The following PREX1 variants were observed in gnomAD, a reference collection of about 807,000 sequenced individuals.
PREX1 encodes the protein phosphatidylinositol-3,4,5-trisphosphate dependent Rac exchange factor 1, also known as phosphatidylinositol 3,4,5-trisphosphate-dependent Rac exchanger 1 protein.
Under a neutral mutation model 198.3 loss-of-function variants are expected in PREX1, and 41 were observed. That is an observed-to-expected ratio of 0.21 (90% confidence interval 0.16 to 0.27). The LOEUF (loss-of-function observed/expected upper bound fraction) is 0.27. Ranked by LOEUF, PREX1 falls within the 10% of genes least tolerant of loss-of-function variation. PREX1 has a pLI of 1.00. For missense variants in PREX1, 1,620 were observed against 2,200.7 expected (o/e 0.74, Z 5.28); for synonymous variants, 843 against 887.2 (o/e 0.95, Z 0.89).
At chr20:48,778,560 A>G (rs986325012) in intron 1 of PREX1, among the ~76,000 whole-genome samples, 4 of 152,144 alleles carry the variant, frequency 2.6e-5, no homozygotes, top group Admixed American at 2.0e-4. Context: ...ACTGTACTCC[A>G]GCCTGGGTGA....
chr20:48,771,607 A>G (rs2090236263), intron 1 of PREX1, among the ~76,000 whole-genome samples: 1 of 152,144 alleles, frequency 6.6e-6, no homozygotes, highest in Non-Finnish European at 1.5e-5. Context: ...ATTACACTCC[A>G]GCCTGGGCGA....
the PREX1 span, among the ~76,000 whole-genome samples, chr20:48,850,570 C>T: frequency 6.6e-6 from 1 of 152,058 alleles, no homozygotes; most frequent in Non-Finnish European, 1.5e-5. Flanking sequence ...TCTGAGAAAC[C>T]TGGCCAAATT....
chr20:48,796,753 T>C (rs1427433968), intron 1 of PREX1, among the ~76,000 whole-genome samples: 2 of 147,864 alleles, frequency 1.4e-5, no homozygotes, highest in Non-Finnish European at 3.0e-5. Flanking sequence ...TATGCGTAAT[T>C]ATATATACAT....
At chr20:48,709,553 C>T (rs1005026091) in intron 5 of PREX1, among the ~76,000 whole-genome samples, 12 of 152,188 alleles carry the variant, frequency 7.9e-5, no homozygotes, top group Admixed American at 6.5e-4. Context: ...CTTCGCCCCA[C>T]GGTTTTAAGG....
At chr20:48,762,676 C>A (rs1045395569) in intron 1 of PREX1, among the ~76,000 whole-genome samples, 3 of 151,642 alleles carry the variant, frequency 2.0e-5, no homozygotes, top group African/African-American at 7.3e-5. Flanking sequence ...AAAAATGGTA[C>A]CTGACTGCTA....
At chr20:48,819,601 T>C (rs1381069537) in intron 1 of PREX1, among the ~76,000 whole-genome samples, 1 of 152,186 alleles carries the variant, frequency 6.6e-6, no homozygotes, top group Non-Finnish European at 1.5e-5. Flanking sequence ...GCAAAATAGG[T>C]ATAATGATGA....
At chr20:48,701,034 T>A in intron 6 of PREX1, 148 bp from the exon 7 acceptor site, 1 of 1,098,006 alleles carries the variant, frequency 9.1e-7, no homozygotes, top group South Asian at 1.5e-5. Flanking sequence ...CACAACGTGA[T>A]TAGTGGCTTC....
chr20:48,636,476 G>A lies in PREX1; in HGVS notation c.4154C>T (p.Ser1385Leu), dbSNP rs1337040307. The A allele has an allele frequency of 6.2e-7, 1 of 1,605,206 alleles. No homozygotes were observed. The highest frequency in any genetic ancestry group is 8.5e-7 in the Non-Finnish European group (1 of 1,178,108). The change falls in exon 32 of 40, where the codon TCG (serine) becomes TTG (leucine). Residue 1385 changes from serine (S) to leucine (L), a missense_variant. Transcript: ENST00000371941. ...CCACTCACTCACCACTGTGGCTGGC[G>A]AGAGCAGGGACTGGCAGTGCAGCAG... is the stretch of plus-strand genomic sequence containing the variant. ...GVLLHCQSLL[S>L]PATVKEERTM...
In PREX1 at chr20:48,636,543, C is replaced by A; in HGVS notation, c.4087G>T (p.Ala1363Ser). ...NGEYEESSRD[A>S]SRKWLEQVAA... ...ACCTGCTCCAGCCACTTGCGGCTGG[C>A]GTCGCGGCTGCTCTCCTCGTACTCG... The change falls in exon 32 of 40, where the codon GCC becomes TCC. Residue 1363 changes from alanine to serine, a missense_variant. Ala to Ser is a moderately conservative substitution (Grantham distance 99, BLOSUM62 1). Coordinates refer to ENST00000371941, the MANE Select transcript of PREX1 (RefSeq NM_020820.4). 2 of 1,611,126 alleles carry A rather than the reference C, an allele frequency of 1.2e-6. No homozygotes were observed. The highest frequency in any genetic ancestry group is 8.5e-7 in the Non-Finnish European group (1 of 1,179,568).
intron 9 of PREX1, among the ~76,000 whole-genome samples, chr20:48,689,089 C>T (rs2089802524): frequency 6.6e-6 from 1 of 152,236 alleles, no homozygotes; most frequent in African/African-American, 2.4e-5. Flanking sequence ...ACCCAGGAAT[C>T]AAGCTCTAGT....
At position 48,643,816 on chromosome 20, in the gene PREX1, GGTGCGT is replaced by G. The variant is rs553273067; in HGVS notation, c.3601+587_3601+592del. On this transcript the variant is annotated intron_variant, in intron 27 of 39. Transcript: ENST00000371941. ...AGCCTCCCAAATAGCTGGGATTACA[GGTGCGT>G]GCACCACCACACCCAGCTAATTTTT... 6.1e-3 allele frequency among the ~76,000 whole-genome samples: 927 copies of G among 152,260 alleles called. 3 individuals are homozygous for G. The highest frequency in any genetic ancestry group is 0.024 in the Middle Eastern group (7 of 294).
intron 1 of PREX1, among the ~76,000 whole-genome samples, chr20:48,813,402 G>A (rs1209703189): frequency 6.6e-6 from 1 of 152,218 alleles, no homozygotes; most frequent in African/African-American, 2.4e-5. Flanking sequence ...ACTAGATCCT[G>A]GACTGGGGGT....
chr20:48,659,822 G>A (rs775491258), intron 16 of PREX1, 97 bp downstream of exon 16: 26 of 1,539,694 alleles, frequency 1.7e-5, no homozygotes, highest in Non-Finnish European at 2.0e-5. Context: ...ACTCCAAGCT[G>A]AGCCCCCTTC....
chr20:48,627,245 G>A (rs1212951912), intron 39 of PREX1, among the ~76,000 whole-genome samples: 1 of 151,726 alleles, frequency 6.6e-6, no homozygotes, highest in Non-Finnish European at 1.5e-5. Flanking sequence ...ACAGGGTGGA[G>A]GGCACGGGGC....
chr20:48,683,155 G>A (rs1029971165), intron 10 of PREX1, among the ~76,000 whole-genome samples: 1 of 152,242 alleles, frequency 6.6e-6, no homozygotes, highest in Non-Finnish European at 1.5e-5. Context: ...GCCAGCAGCT[G>A]AAGGAGGGGA....
chr20:48,716,621 T>A (rs1478484587), intron 5 of PREX1, among the ~76,000 whole-genome samples: 1 of 152,192 alleles, frequency 6.6e-6, no homozygotes, highest in African/African-American at 2.4e-5. Context: ...TGCTTCCACC[T>A]GCTCCTCTCT....
At chr20:48,750,361 G>A (rs2090128724) in intron 1 of PREX1, among the ~76,000 whole-genome samples, 1 of 152,148 alleles carries the variant, frequency 6.6e-6, no homozygotes, top group Non-Finnish European at 1.5e-5. Flanking sequence ...ATGTACAGGA[G>A]ATCAGTCAAT....
intron 1 of PREX1, among the ~76,000 whole-genome samples, chr20:48,760,208 C>G (rs538584613): frequency 1.3e-5 from 2 of 152,214 alleles, no homozygotes; most frequent in African/African-American, 4.8e-5. Flanking sequence ...ACAGAACCCA[C>G]TGTGCTTCCT....
At chr20:48,871,586 C>A in the PREX1 span, among the ~76,000 whole-genome samples, 1 of 11,978 alleles carries the variant, frequency 8.3e-5, no homozygotes, top group African/African-American at 4.0e-4. Flanking sequence ...AAAAAAAAAC[C>A]ATATTTACTT....
Sources: allele counts gnomAD v4.1 joint callset (sites outside exome capture counted in the v4.1 genomes callset), GRCh38; gene constraint gnomAD v4.1.1; transcripts MANE v1.5; gene names NCBI Gene and HGNC (gene_info 2026-07-23, HGNC 2026-07-21).